PAN3: variants seen among roughly 807,000 people sequenced by gnomAD.
PAN3 encodes the protein PAN2-PAN3 deadenylation complex subunit PAN3.
PAN3 carries 19 observed loss-of-function variants against 96.2 expected under a neutral mutation model. That is an observed-to-expected ratio of 0.20 (90% CI 0.14 to 0.29). The LOEUF (loss-of-function observed/expected upper bound fraction) is 0.29. Ranked by LOEUF, PAN3 falls within the 10% of genes least tolerant of loss-of-function variation. The pLI, the probability that PAN3 is intolerant of heterozygous loss-of-function variation, is 1.00. For missense variants in PAN3, 882 were observed against 1,108.1 expected, an observed-to-expected ratio of 0.80 and a Z score of 2.90; for synonymous variants, 433 against 406.6, an observed-to-expected ratio of 1.06 and a Z score of -0.78.
chr13:28,138,512 G>T (rs1869080479), upstream of PAN3: 1 of 64,836 alleles, frequency 1.5e-5, no homozygotes, highest in South Asian at 5.6e-4. Flanking sequence ...CCTTCTCCCC[G>T]GGCGGCTCCG....
At chr13:28,241,323 A>G (rs1883643240) in intron 6 of PAN3, among the ~76,000 whole-genome samples, 2 of 152,230 alleles carry the variant, frequency 1.3e-5, no homozygotes, top group Non-Finnish European at 2.9e-5. Context: ...GTACTTGCAT[A>G]TAGTATATAG....
chr13:28,182,252 C>G (rs1307879799), intron 4 of PAN3, among the ~76,000 whole-genome samples: 1 of 152,186 alleles, frequency 6.6e-6, no homozygotes, highest in Non-Finnish European at 1.5e-5. Flanking sequence ...ATGATTGAGG[C>G]AAATCCCAGG....
intron 6 of PAN3, among the ~76,000 whole-genome samples, chr13:28,235,908 A>C (rs1593531849): frequency 7.2e-6 from 1 of 139,038 alleles, no homozygotes; most frequent in Non-Finnish European, 1.5e-5. Context: ...TTTTTTATGG[A>C]GTTGTGGTTG....
At chr13:28,251,248 ATC>A (rs1376422279) in intron 6 of PAN3, among the ~76,000 whole-genome samples, 1 of 152,062 alleles carries the variant, frequency 6.6e-6, no homozygotes, top group African/African-American at 2.4e-5. Flanking sequence ...ATATTTTATA[ATC>A]TGTTTTATAT....
At chr13:28,139,220 C>T (rs1869253245) in intron 1 of PAN3, 133 bp downstream of exon 1, 3 of 1,043,132 alleles carry the variant, frequency 2.9e-6, no homozygotes, top group Non-Finnish European at 2.5e-6. Flanking sequence ...TCTGAGAGGC[C>T]TAGGCCGGGC....
chr13:28,247,271 T>A (rs1316159239), intron 6 of PAN3, among the ~76,000 whole-genome samples: 1 of 152,078 alleles, frequency 6.6e-6, no homozygotes, highest in African/African-American at 2.4e-5. Flanking sequence ...CTATTTGGAT[T>A]TATTTTTTTA....
At chr13:28,277,547 C>CA (rs1298111678) in intron 15 of PAN3, among the ~76,000 whole-genome samples, 171 bp downstream of exon 15, 1 of 152,038 alleles carries the variant, frequency 6.6e-6, no homozygotes, top group Non-Finnish European at 1.5e-5. Context: ...ATTGATAAAC[C>CA]AGTGTGTTTA....
At chr13:28,199,601 T>G (rs1878463562) in intron 5 of PAN3, among the ~76,000 whole-genome samples, 1 of 152,170 alleles carries the variant, frequency 6.6e-6, no homozygotes, top group Non-Finnish European at 1.5e-5. Flanking sequence ...TCGTCTCTAT[T>G]ACTGTCTGTG....
At chr13:28,142,105 A>G (rs1471516985) in intron 1 of PAN3, among the ~76,000 whole-genome samples, 1 of 152,198 alleles carries the variant, frequency 6.6e-6, no homozygotes, top group Non-Finnish European at 1.5e-5. Flanking sequence ...GCTTCTTGGT[A>G]TCTCTCAGTA....
rs71086837 is a variant in PAN3, at chr13:28,206,315, C to CTTTTTT, written c.852+8988_852+8993dup. ...GTTTTTGATAAGATCGTCTAACTGACTTTTTTTTTTTTTTTTTTTTTTTTG... is the reference window on the plus strand; with the variant it reads ...GTTTTTGATAAGATCGTCTAACTGACTTTTTTTTTTTTTTTTTTTTTTTTTTTTTTG... On this transcript the variant is annotated intron_variant, in intron 5 of 18. Transcript: ENST00000380958. 2.8e-4 allele frequency among the ~76,000 whole-genome samples: 27 copies of CTTTTTT among 94,924 alleles called. 1 individual carries two copies. Among genetic ancestry groups the CTTTTTT allele is most frequent in the African/African-American group, 3.9e-4 (9 of 23,306 alleles). 62.3% of individuals were successfully genotyped at this position (94,924 alleles called of 152,430 possible).
chr13:28,219,656 A>G (rs1357878717), intron 5 of PAN3, among the ~76,000 whole-genome samples: 1 of 152,260 alleles, frequency 6.6e-6, no homozygotes, highest in Non-Finnish European at 1.5e-5. Flanking sequence ...CAGTGTAACA[A>G]GTCACGCATG....
At chr13:28,284,165 C>T (rs1047620449) in intron 17 of PAN3, among the ~76,000 whole-genome samples, 17 of 152,104 alleles carry the variant, frequency 1.1e-4, no homozygotes, top group Non-Finnish European at 1.5e-5. Context: ...TTTTCAAACT[C>T]TTAGATTTTT....
chr13:28,219,236 T>C (rs1296311268), intron 5 of PAN3, among the ~76,000 whole-genome samples: 2 of 152,214 alleles, frequency 1.3e-5, no homozygotes, highest in Non-Finnish European at 1.5e-5. Context: ...ATGCCTTAGA[T>C]GTGGCAGTAA....
Position 28,267,745 on chromosome 13 carries a change from G to C in PAN3, c.1792+344G>C, listed in dbSNP as rs144634748. 5.9e-5 allele frequency among the ~76,000 whole-genome samples: 9 copies of C among 152,242 alleles called. No homozygotes were observed. The East Asian group carries it at 1.7e-3, about 29-fold the overall frequency. ...CCTGTAAAACTGTCAGATCTCATGA[G>C]ACCTATTCACTACCACGAGAACAGT... On this transcript the variant is annotated intron_variant, in intron 12 of 18. Transcript: ENST00000380958.
intron 2 of PAN3, among the ~76,000 whole-genome samples, chr13:28,176,225 G>A (rs375796418): frequency 6.6e-6 from 1 of 152,168 alleles, no homozygotes; most frequent in Non-Finnish European, 1.5e-5. Flanking sequence ...TATGTGTTTT[G>A]CCCAGGCTAA....
intron 5 of PAN3, among the ~76,000 whole-genome samples, chr13:28,212,502 A>G (rs1029490866): frequency 2.0e-5 from 3 of 152,240 alleles, no homozygotes; most frequent in African/African-American, 7.2e-5. Context: ...AGACCCATAA[A>G]GAAAAGAAAA....
At chr13:28,208,960 G>C (rs1199188283) in intron 5 of PAN3, among the ~76,000 whole-genome samples, 1 of 152,076 alleles carries the variant, frequency 6.6e-6, no homozygotes, top group Non-Finnish European at 1.5e-5. Context: ...TATTCTGTGG[G>C]ATTGGTTCTA....
chr13:28,216,177 C>T (rs1326346568), intron 5 of PAN3, among the ~76,000 whole-genome samples: 1 of 147,708 alleles, frequency 6.8e-6, no homozygotes, highest in Non-Finnish European at 1.5e-5. Flanking sequence ...ATTTTGAGAC[C>T]CATTAAAACA....
At chr13:28,237,561 A>G (rs1883228500) in intron 6 of PAN3, among the ~76,000 whole-genome samples, 1 of 152,210 alleles carries the variant, frequency 6.6e-6, no homozygotes, top group Non-Finnish European at 1.5e-5. Flanking sequence ...CTAAAGTTAC[A>G]TAAAGCAGAT....
Sources: allele counts gnomAD v4.1 joint callset (sites outside exome capture counted in the v4.1 genomes callset), GRCh38; gene constraint gnomAD v4.1.1; transcripts MANE v1.5; gene names NCBI Gene and HGNC (gene_info 2026-07-23, HGNC 2026-07-21).